The following ELL variants were observed in gnomAD, a reference collection of about 807,000 sequenced individuals.
ELL encodes the protein elongation factor for RNA polymerase II, also known as RNA polymerase II elongation factor ELL.
In ELL, 18 loss-of-function variants were observed where a neutral mutation model predicts 64.0. The ratio of observed to expected loss-of-function variants is 0.28; its 90% CI spans 0.19 to 0.42. The LOEUF is 0.42. Ranked by LOEUF, ELL falls within the 10% of genes least tolerant of loss-of-function variation. The probability of loss-of-function intolerance (pLI) is 1.00; values close to 1 mark genes in which losing one functional copy is unlikely to be tolerated. For missense variants in ELL, 797 were observed against 870.4 expected, an observed-to-expected ratio of 0.92 and a Z score of 1.06; for synonymous variants, 399 against 376.2, an observed-to-expected ratio of 1.06 and a Z score of -0.70.
At chr19:18,473,508 C>G (rs1975108464) in intron 1 of ELL, among the ~76,000 whole-genome samples, 2 of 152,226 alleles carry the variant, frequency 1.3e-5, no homozygotes, top group Admixed American at 1.3e-4. Context: ...CACAGCTCCA[C>G]CACACGGCCT....
At chr19:18,503,212 C>A (rs556840272) in intron 1 of ELL, among the ~76,000 whole-genome samples, 20 of 152,364 alleles carry the variant, frequency 1.3e-4, no homozygotes, top group Admixed American at 4.6e-4. Flanking sequence ...TGGCACCGCC[C>A]GCCCAGCAGT....
chr19:18,493,297 G>A (rs1216418949), intron 1 of ELL, among the ~76,000 whole-genome samples: 2 of 152,198 alleles, frequency 1.3e-5, no homozygotes, highest in African/African-American at 2.4e-5. Flanking sequence ...AGGCCAGGGG[G>A]AAGCTGTGCC....
intron 1 of ELL, among the ~76,000 whole-genome samples, chr19:18,500,141 A>G (rs926183853): frequency 4.6e-5 from 7 of 152,086 alleles, no homozygotes; most frequent in Non-Finnish European, 8.8e-5. Flanking sequence ...GGGTGCCTGT[A>G]ACCCCAGCTA....
chr19:18,480,876 C>T (rs1314669951), intron 1 of ELL, among the ~76,000 whole-genome samples: 1 of 152,108 alleles, frequency 6.6e-6, no homozygotes, highest in East Asian at 1.9e-4. Flanking sequence ...TCAAGCAACT[C>T]GACAGACTCA....
At chr19:18,451,787 G>T in intron 6 of ELL, 139 bp from the exon 7 acceptor site, 1 of 642,442 alleles carries the variant, frequency 1.6e-6, no homozygotes, top group Non-Finnish European at 2.5e-6. Context: ...GGGCCAAGGG[G>T]TCACAGGAGC....
At chr19:18,474,682 AGG>A (rs1240277384) in intron 1 of ELL, among the ~76,000 whole-genome samples, 1 of 152,058 alleles carries the variant, frequency 6.6e-6, no homozygotes, top group Non-Finnish European at 1.5e-5. Flanking sequence ...TACTGCGACA[AGG>A]GGGGCTCGTC....
At chr19:18,445,124 A>C in intron 11 of ELL, 100 bp downstream of exon 11, 1 of 1,517,390 alleles carries the variant, frequency 6.6e-7, no homozygotes, top group Non-Finnish European at 9.1e-7. Context: ...CTTCCCCCAC[A>C]CCTTGGAAGT....
intron 1 of ELL, among the ~76,000 whole-genome samples, chr19:18,481,169 T>A (rs1454388751): frequency 6.6e-6 from 1 of 152,174 alleles, no homozygotes; most frequent in Non-Finnish European, 1.5e-5. Context: ...TCAGCAATCC[T>A]GGATCTGTTT....
intron 1 of ELL, among the ~76,000 whole-genome samples, chr19:18,494,431 T>C (rs976121540): frequency 1.3e-5 from 2 of 151,872 alleles, no homozygotes; most frequent in African/African-American, 4.8e-5. Flanking sequence ...TCTTGCTCTG[T>C]CACCCAGATG....
In ELL at chr19:18,472,840, G is replaced by A; in HGVS notation, c.178C>T (p.Gln60Ter). ...LRPSIRFQGS[Q>*]GHISIPQPDC... ...TGATTAAGACAAAAACTTACCCCTTGGCTTCCTTGAAATCGGATAGATGGC... is the reference window on the plus strand; with the variant it reads ...TGATTAAGACAAAAACTTACCCCTTAGCTTCCTTGAAATCGGATAGATGGC... Residue 60 changes from glutamine (Q) to a stop codon, truncating the protein, a stop_gained, in exon 2 of 12, where the codon CAA becomes TAA. Coordinates refer to ENST00000262809, the MANE Select transcript of ELL (RefSeq NM_006532.4). LOFTEE classifies it high-confidence loss of function. 1 of 1,604,198 alleles carries A rather than the reference G, an allele frequency of 6.2e-7. No individual in the cohort carries two copies. The highest frequency in any genetic ancestry group is 8.5e-7 in the Non-Finnish European group (1 of 1,177,344).
rs775221493 is a variant in ELL at position 18,450,925 on chromosome 19, G to A, written c.1017C>T (p.Pro339=). 3.6e-5 allele frequency: 55 copies of A among 1,540,252 alleles called. No individual in the cohort carries two copies. In the Admixed American group the frequency reaches 1.2e-3, roughly 32 times the overall value. ...CTCTCTGAGTGAAGTGCGATATCCGGGGTTTCTTGTTGGCTAGGGGGTCGA... is the reference window on the plus strand; with the variant it reads ...CTCTCTGAGTGAAGTGCGATATCCGAGGTTTCTTGTTGGCTAGGGGGTCGA... ...DFIDPLANKK[P]RISHFTQRAQ... Residue 339 remains proline (P), a synonymous_variant, in exon 8 of 12, where the codon CCC becomes CCT. Coordinates refer to ENST00000262809, the MANE Select transcript of ELL (RefSeq NM_006532.4).
intron 1 of ELL, among the ~76,000 whole-genome samples, chr19:18,499,064 C>T (rs1469746855): frequency 6.6e-6 from 1 of 152,138 alleles, no homozygotes; most frequent in African/African-American, 2.4e-5. Flanking sequence ...GCCCAGGATG[C>T]CAGGAGGGAA....
intron 1 of ELL, among the ~76,000 whole-genome samples, chr19:18,509,589 GCGCGCACATACACACACACA>G (rs1027538027): frequency 2.7e-5 from 3 of 110,144 alleles, no homozygotes; most frequent in African/African-American, 4.4e-5. Context: ...ACGTGCGCGC[GCGCGCACATACACACACACA>G]CACACACACA....
rs565265361 is a variant in ELL at position 18,516,988 on chromosome 19, C to T, written c.135+4933G>A. 3.3e-5 allele frequency among the ~76,000 whole-genome samples: 5 copies of T among 152,244 alleles called. No individual in the cohort carries two copies. The East Asian group carries it at 5.8e-4, about 18-fold the overall frequency. On this transcript the variant is annotated intron_variant, in intron 1 of 11. Transcript: ENST00000262809. ...TGGGCCCTCATTTTTTTCTGAACAA[C>T]GGTGTGCTCCTCTCCACCAAGGAGC...
rs551816338 is a variant in ELL, at chr19:18,458,439, C to T, written c.745-110G>A. The T allele has an allele frequency of 4.2e-5, 62 of 1,490,482 alleles. No individual in the cohort carries two copies. In the South Asian group the frequency reaches 7.6e-4, roughly 18 times the overall value. 92.3% of individuals were successfully genotyped at this position (1,490,482 alleles called of 1,614,324 possible). A position where few individuals can be genotyped will look rare whatever the true frequency, so the allele number is the denominator to read the frequency against. On this transcript the variant is annotated intron_variant, in intron 5 of 11. Coordinates refer to ENST00000262809, the MANE Select transcript of ELL (RefSeq NM_006532.4). Reference sequence around the variant, plus strand: ...GAGGGTGTGCAGAGACAGTGGGAGACAGACAGAGACAGAGGAGAGGAAAGA... The same window carrying T: ...GAGGGTGTGCAGAGACAGTGGGAGATAGACAGAGACAGAGGAGAGGAAAGA...
intron 1 of ELL, among the ~76,000 whole-genome samples, chr19:18,504,941 G>T (rs1164132662): frequency 2.0e-5 from 3 of 152,228 alleles, no homozygotes; most frequent in Admixed American, 2.0e-4. Context: ...CGCACAGGAG[G>T]CTCTCAGCCC....
At position 18,461,540 on chromosome 19, in the gene ELL, G is replaced by A. The variant is rs546258839; in HGVS notation, c.744+38C>T. 7.0e-6 allele frequency: 11 copies of A among 1,564,194 alleles called. No individual in the cohort carries two copies. In the South Asian group the frequency reaches 7.0e-5, roughly 10 times the overall value. On this transcript the variant is annotated intron_variant, in intron 5 of 11. Coordinates refer to ENST00000262809, the MANE Select transcript of ELL (RefSeq NM_006532.4). ...CCACCCGCACAAGACCATCTGCGGA[G>A]ACCACTGGTAAAGACAAGACATCGG... is the stretch of plus-strand genomic sequence containing the variant.
intron 1 of ELL, among the ~76,000 whole-genome samples, chr19:18,514,331 G>A (rs577547882): frequency 7.9e-5 from 12 of 151,890 alleles, no homozygotes; most frequent in Non-Finnish European, 1.5e-4. Context: ...GGCTAACACG[G>A]TGAAACCCCA....
chr19:18,446,576 CG>C, intron 9 of ELL, 96 bp from the exon 10 acceptor site: 1 of 1,521,442 alleles, frequency 6.6e-7, no homozygotes, highest in Non-Finnish European at 8.8e-7. Context: ...CCTGGCCTCT[CG>C]GGTGATTCCC....
Sources: gnomAD v4.1 joint callset for allele counts (sites outside exome capture counted in the v4.1 genomes callset) on GRCh38, gnomAD v4.1.1 for gene constraint, MANE v1.5 for transcripts, NCBI Gene and HGNC (gene_info 2026-07-23, HGNC 2026-07-21) for gene names.